ZNF423: variants seen among roughly 807,000 people sequenced by gnomAD.
ZNF423 encodes zinc finger protein 423.
A neutral mutation model predicts 95.8 loss-of-function variants in ZNF423; 12 were observed. The observed-to-expected ratio is 0.13, with a 90% CI of 0.08 to 0.20. The LOEUF is 0.20. Ranked by LOEUF, ZNF423 falls within the 10% of genes least tolerant of loss-of-function variation. The pLI, the probability that ZNF423 is intolerant of heterozygous loss-of-function variation, is 1.00. For synonymous variants in ZNF423, 749 were observed against 711.9 expected, an observed-to-expected ratio of 1.05 and a Z score of -0.83; for missense variants, 1,316 against 1,737.1, an observed-to-expected ratio of 0.76 and a Z score of 4.31.
chr16:49,608,919 C>T (rs1971626891), intron 5 of ZNF423, among the ~76,000 whole-genome samples: 1 of 152,178 alleles, frequency 6.6e-6, no homozygotes, highest in South Asian at 2.1e-4. Context: ...CTCTTCCCAT[C>T]CCTGTTAATG....
chr16:49,632,124 G>A (rs1377368193), intron 4 of ZNF423, among the ~76,000 whole-genome samples: 1 of 152,176 alleles, frequency 6.6e-6, no homozygotes, highest in East Asian at 1.9e-4. Context: ...AGGATCAATG[G>A]ATGGCCAGGG....
chr16:49,506,036 C>A (rs1967618941), intron 7 of ZNF423, among the ~76,000 whole-genome samples: 1 of 152,130 alleles, frequency 6.6e-6, no homozygotes, highest in East Asian at 1.9e-4. Flanking sequence ...ACTCATCTCA[C>A]CAGAGGGGTG....
chr16:49,565,091 A>AT (rs2151775832), intron 5 of ZNF423, among the ~76,000 whole-genome samples: 1 of 152,280 alleles, frequency 6.6e-6, no homozygotes, highest in Admixed American at 6.5e-5. Context: ...AGGAGTTCTA[A>AT]TACACTTCAT....
At chr16:49,825,217 G>T (rs748952214) in intron 1 of ZNF423, among the ~76,000 whole-genome samples, 5 of 152,156 alleles carry the variant, frequency 3.3e-5, no homozygotes, top group Non-Finnish European at 7.3e-5. Context: ...CAATCAGGAT[G>T]TAACTGTTTC....
intron 1 of ZNF423, among the ~76,000 whole-genome samples, chr16:49,823,159 G>C (rs2034966116): frequency 1.3e-5 from 2 of 152,186 alleles, no homozygotes; most frequent in South Asian, 4.1e-4. Flanking sequence ...GGAGTAACCT[G>C]AGCCAGCCCT....
intron 3 of ZNF423, among the ~76,000 whole-genome samples, chr16:49,713,805 G>A (rs2032618911): frequency 6.6e-6 from 1 of 152,218 alleles, no homozygotes; most frequent in Non-Finnish European, 1.5e-5. Context: ...CCATCCGTGA[G>A]ACTGGAGAGA....
chr16:49,697,349 GT>G (rs2032013385), intron 3 of ZNF423, among the ~76,000 whole-genome samples: 1 of 152,110 alleles, frequency 6.6e-6, no homozygotes, highest in Non-Finnish European at 1.5e-5. Context: ...AGCACATGAT[GT>G]TTTTTAAAAG....
intron 5 of ZNF423, among the ~76,000 whole-genome samples, chr16:49,557,601 G>T (rs1013762230): frequency 6.6e-6 from 1 of 152,204 alleles, no homozygotes; most frequent in Non-Finnish European, 1.5e-5. Context: ...GTGAGAGAAT[G>T]AAATGGCAGC....
intron 3 of ZNF423, among the ~76,000 whole-genome samples, chr16:49,682,229 TCTCAACCCCATTTTCC>T (rs2031390263): frequency 6.8e-6 from 1 of 146,046 alleles, no homozygotes; most frequent in South Asian, 2.2e-4. Flanking sequence ...CCCCTTTTTC[TCTCAACCCCATTTTCC>T]CCCAACCCCA....
chr16:49,506,072 G>A (rs944118172), intron 7 of ZNF423, among the ~76,000 whole-genome samples: 1 of 152,232 alleles, frequency 6.6e-6, no homozygotes, highest in Non-Finnish European at 1.5e-5. Context: ...GTGTGTATGT[G>A]TGTGTAGGTA....
chr16:49,568,325 A>T (rs62030975), intron 5 of ZNF423, among the ~76,000 whole-genome samples: 16,945 of 152,106 alleles, frequency 0.11, 1,127 homozygotes, highest in East Asian at 0.27. Flanking sequence ...ACCATACTGC[A>T]AGGGTTTTGG....
chr16:49,648,250 G>C (rs1460660925), intron 3 of ZNF423, among the ~76,000 whole-genome samples: 1 of 152,190 alleles, frequency 6.6e-6, no homozygotes, highest in Non-Finnish European at 1.5e-5. Flanking sequence ...AACTTTCATG[G>C]ATAAACTTGG....
intron 3 of ZNF423, among the ~76,000 whole-genome samples, chr16:49,700,234 A>C (rs1268263889): frequency 7.2e-6 from 1 of 138,760 alleles, no homozygotes; most frequent in Non-Finnish European, 1.5e-5. Flanking sequence ...GAAGAAGAAG[A>C]AAAAAAGAAA....
rs1218358063 is a variant in ZNF423, at chr16:49,506,846, T to C, written c.3850-15542A>G. On this transcript the variant is annotated intron_variant, in intron 7 of 7. Coordinates refer to ENST00000563137, the MANE Select transcript of ZNF423 (RefSeq NM_001379286.1). ...ATGAGAGGATGGATGCATGGATGGATGGATGGGTGGATGGATTGGTGAGTG... is the reference window on the plus strand; with the variant it reads ...ATGAGAGGATGGATGCATGGATGGACGGATGGGTGGATGGATTGGTGAGTG... 2.6e-5 allele frequency among the ~76,000 whole-genome samples: 4 copies of C among 151,578 alleles called. No homozygotes were observed. In the East Asian group the frequency reaches 7.7e-4, roughly 29 times the overall value.
intron 2 of ZNF423, among the ~76,000 whole-genome samples, chr16:49,752,497 A>T (rs2033651145): frequency 1.3e-5 from 2 of 152,060 alleles, no homozygotes; most frequent in Non-Finnish European, 2.9e-5. Context: ...ATATCTCTCC[A>T]AGCCTCCTGT....
At chr16:49,856,113 CAAAAAAAAAAAAAAA>C (rs1179159400), upstream of ZNF423, 6 of 2,678 alleles carry the variant, frequency 2.2e-3, no homozygotes, top group African/African-American at 4.9e-3. Flanking sequence ...CCGAGTTATG[CAAAAAAAAAAAAAAA>C]AAAAAAAAAA....
chr16:49,541,008 G>A (rs1053307326), intron 5 of ZNF423, among the ~76,000 whole-genome samples: 2 of 152,140 alleles, frequency 1.3e-5, no homozygotes, highest in East Asian at 3.9e-4. Flanking sequence ...CTCCTGCCAA[G>A]AGCAGGATGT....
At chr16:49,530,158 G>A (rs1196548948) in intron 5 of ZNF423, among the ~76,000 whole-genome samples, 1 of 152,146 alleles carries the variant, frequency 6.6e-6, no homozygotes, top group East Asian at 1.9e-4. Context: ...CTAGAAAATA[G>A]GCAGAGTCAT....
chr16:49,805,019 C>A (rs2034640488), intron 1 of ZNF423, among the ~76,000 whole-genome samples: 1 of 151,694 alleles, frequency 6.6e-6, no homozygotes. Flanking sequence ...CCTGCCTCAG[C>A]CTCCCAAGTA....
Sources: allele counts gnomAD v4.1 joint callset (sites outside exome capture counted in the v4.1 genomes callset), GRCh38; gene constraint gnomAD v4.1.1; transcripts MANE v1.5; gene names NCBI Gene and HGNC (gene_info 2026-07-23, HGNC 2026-07-21).